Variants in NT5C3A observed in about 807,000 individuals in gnomAD.
The protein encoded by NT5C3A is cytosolic 5'-nucleotidase 3A.
NT5C3A carries 23 observed loss-of-function variants against 40.0 expected under a neutral mutation model. That is an observed-to-expected ratio of 0.58 (90% CI 0.41 to 0.81). The LOEUF (loss-of-function observed/expected upper bound fraction) is 0.81, where lower values mean the gene tolerates loss of function less well. NT5C3A is among the 40% of genes least tolerant of loss of function. The probability of loss-of-function intolerance (pLI) is 0.00; values close to 1 mark genes in which losing one functional copy is unlikely to be tolerated. For missense variants in NT5C3A, 328 were observed against 403.0 expected (o/e 0.81, Z 1.59); for synonymous variants, 130 against 141.4 (o/e 0.92, Z 0.57).
At chr7:33,049,659 A>G (rs932619206) in intron 1 of NT5C3A, among the ~76,000 whole-genome samples, 2 of 152,112 alleles carry the variant, frequency 1.3e-5, no homozygotes, top group Non-Finnish European at 2.9e-5. Flanking sequence ...TAGCTTAGAA[A>G]GACATCAAAA....
chr7:33,048,162 T>C (rs941317495), intron 1 of NT5C3A, among the ~76,000 whole-genome samples: 7 of 141,718 alleles, frequency 4.9e-5, no homozygotes, highest in East Asian at 2.0e-4. Context: ...ATTTATAGTA[T>C]TGATACATTT....
At chr7:33,031,310 G>A (rs922127199) in intron 1 of NT5C3A, among the ~76,000 whole-genome samples, 6 of 151,168 alleles carry the variant, frequency 4.0e-5, no homozygotes, top group South Asian at 2.1e-4. Context: ...AAACACGGCC[G>A]GGCATGGTGG....
chr7:33,019,179 C>T (rs546795444), intron 6 of NT5C3A, among the ~76,000 whole-genome samples: 46 of 151,886 alleles, frequency 3.0e-4, no homozygotes, highest in African/African-American at 1.1e-3. Context: ...CGCTTGAGCC[C>T]AGGAGGCAGA....
At chr7:33,022,794 A>G (rs1785698281) in intron 3 of NT5C3A, among the ~76,000 whole-genome samples, 1 of 152,184 alleles carries the variant, frequency 6.6e-6, no homozygotes, top group Non-Finnish European at 1.5e-5. Context: ...TGCTATTAGT[A>G]ATAATTTTAT....
Position 33,062,520 on chromosome 7 carries a change from C to T in NT5C3A, c.138+48G>A, listed in dbSNP as rs755105793. 2.6e-6 allele frequency: 4 copies of T among 1,553,816 alleles called. No individual in the cohort carries two copies. In the East Asian group the frequency reaches 9.1e-5, roughly 36 times the overall value. ...CAGGCTGCCGAGGCCAGCGGACGGCCCAGCCGGCCCCTCGCGTGCTCTGGG... is the reference window on the plus strand; with the variant it reads ...CAGGCTGCCGAGGCCAGCGGACGGCTCAGCCGGCCCCTCGCGTGCTCTGGG... On this transcript the variant is annotated intron_variant, in intron 1 of 8. Transcript: ENST00000610140.
intron 1 of NT5C3A, chr7:33,035,942 C>T: frequency 6.2e-7 from 1 of 1,613,110 alleles, no homozygotes; most frequent in African/African-American, 1.3e-5. Flanking sequence ...ACCATTTTCA[C>T]ATGTACGGCA....
rs1347751065 is a variant in NT5C3A, at chr7:33,062,731, G to A, written c.-26C>T. On this transcript the variant is annotated 5_prime_UTR_variant, in exon 1 of 9. Transcript: ENST00000610140. Reference sequence around the variant, plus strand: ...GGACGGGGCCCTCATGCGCGTCCAAGCAGGAAAAAAACAGGCAGCTCGCGT... The same window carrying A: ...GGACGGGGCCCTCATGCGCGTCCAAACAGGAAAAAAACAGGCAGCTCGCGT... 2 of 1,552,428 alleles carry A rather than the reference G, an allele frequency of 1.3e-6. No homozygotes were observed. Among genetic ancestry groups the A allele is most frequent in the African/African-American group, 1.4e-5 (1 of 73,104 alleles).
Position 33,035,961 on chromosome 7 carries a change from A to G in NT5C3A, c.139-9046T>C, listed in dbSNP as rs17170223. ...TTTTCACATGTACGGCAGACTCTTG[A>G]TTAGTCATTTCTTGGTTATCCAATC... On this transcript the variant is annotated intron_variant, in intron 1 of 8. Transcript: ENST00000610140. 0.029 allele frequency: 46,128 copies of G among 1,613,086 alleles called. 1,302 individuals are homozygous for G. Among genetic ancestry groups the G allele is most frequent in the South Asian group, 0.12 (11,149 of 91,020 alleles).
intron 1 of NT5C3A, among the ~76,000 whole-genome samples, chr7:33,056,028 T>C (rs1405226851): frequency 6.6e-6 from 1 of 152,154 alleles, no homozygotes; most frequent in African/African-American, 2.4e-5. Context: ...GAGGAATACT[T>C]GAGCTCAGGA....
intron 1 of NT5C3A, among the ~76,000 whole-genome samples, chr7:33,060,178 C>G (rs562206544): frequency 1.1e-4 from 16 of 152,270 alleles, no homozygotes; most frequent in African/African-American, 3.8e-4. Flanking sequence ...GTCTCGAACT[C>G]CTGGGCTCAA....
At chr7:33,022,028 A>T in intron 4 of NT5C3A, 25 bp downstream of exon 4, 1 of 1,348,576 alleles carries the variant, frequency 7.4e-7, no homozygotes, top group Non-Finnish European at 1.1e-6. Flanking sequence ...TCTTTGAGTG[A>T]CTATAGATTG....
chr7:33,056,206 A>G (rs1787560182), intron 1 of NT5C3A, among the ~76,000 whole-genome samples: 2 of 152,298 alleles, frequency 1.3e-5, no homozygotes, highest in Admixed American at 1.3e-4. Context: ...TTGCTAAATT[A>G]TGAGAAATCA....
At chr7:33,054,498 T>C (rs1465909005) in intron 1 of NT5C3A, among the ~76,000 whole-genome samples, 1 of 152,228 alleles carries the variant, frequency 6.6e-6, no homozygotes, top group Non-Finnish European at 1.5e-5. Flanking sequence ...TTTGTTGCTA[T>C]GTCTCACAAC....
chr7:33,036,007 T>G (rs72555733), intron 1 of NT5C3A: 1 of 1,607,688 alleles, frequency 6.2e-7, no homozygotes, highest in South Asian at 1.1e-5. Context: ...TCCCAGGTGA[T>G]GTCACAGCAA....
At chr7:33,016,373 CAA>C (rs551075174) in intron 7 of NT5C3A, among the ~76,000 whole-genome samples, 11 of 108,964 alleles carry the variant, frequency 1.0e-4, no homozygotes, top group Admixed American at 9.9e-5. Flanking sequence ...GACTCTGTCT[CAA>C]AAAAAAAAAA....
At chr7:33,054,589 C>A (rs1022007490) in intron 1 of NT5C3A, among the ~76,000 whole-genome samples, 3 of 152,138 alleles carry the variant, frequency 2.0e-5, no homozygotes, top group African/African-American at 2.4e-5. Flanking sequence ...AATATTTGCA[C>A]ATACATTATA....
intron 5 of NT5C3A, among the ~76,000 whole-genome samples, chr7:33,020,755 TTTTAAG>T (rs1454337315): frequency 6.7e-6 from 1 of 148,170 alleles, no homozygotes; most frequent in East Asian, 2.0e-4. Context: ...CTCTGACTCC[TTTTAAG>T]TTTGTCATGA....
At chr7:33,036,021 AG>A in intron 1 of NT5C3A, 1 of 1,572,652 alleles carries the variant, frequency 6.4e-7, no homozygotes, top group Non-Finnish European at 8.7e-7. Context: ...ACAGCAAAAG[AG>A]AAAAAAAAAA....
At chr7:33,022,153 CACT>C in intron 3 of NT5C3A, 54 bp from the exon 4 acceptor site, 2 of 918,708 alleles carry the variant, frequency 2.2e-6, no homozygotes, top group Non-Finnish European at 1.8e-6. Flanking sequence ...TTTATGCTAC[CACT>C]ACTATGAATA....
Sources: gnomAD v4.1 joint callset for allele counts (sites outside exome capture counted in the v4.1 genomes callset) on GRCh38, gnomAD v4.1.1 for gene constraint, MANE v1.5 for transcripts, NCBI Gene and HGNC (gene_info 2026-07-23, HGNC 2026-07-21) for gene names.